Variants in YIPF4 observed in about 807,000 individuals in gnomAD.
YIPF4 encodes the protein Yip1 domain family member 4, also known as protein YIPF4.
Under a neutral mutation model 29.4 loss-of-function variants are expected in YIPF4, and 18 were observed. The ratio of observed to expected loss-of-function variants is 0.61; its 90% CI spans 0.42 to 0.91. The LOEUF (loss-of-function observed/expected upper bound fraction) is 0.91. YIPF4 is among the 40% of genes least tolerant of loss of function. The pLI is 0.00. For missense variants in YIPF4, 279 were observed against 282.7 expected, an observed-to-expected ratio of 0.99 and a Z score of 0.09; for synonymous variants, 115 against 104.7, an observed-to-expected ratio of 1.10 and a Z score of -0.60.
At position 32,277,972 on chromosome 2, in the gene YIPF4, G is replaced by T. The variant is rs1346421726; in HGVS notation, c.-184G>T. The T allele has an allele frequency of 7.3e-6, 4 of 548,482 alleles. No individual in the cohort carries two copies. Among genetic ancestry groups the T allele is most frequent in the Non-Finnish European group, 1.3e-5 (4 of 314,770 alleles). The allele number at this position is 548,482 out of a possible 1,614,324, so 34.0% of individuals were successfully genotyped here. ...GGGTGGTCGCCACCAAGAAGACTTT[G>T]GTGGGGTAGTCTCGGGGCAGCTCAG... On this transcript the variant is annotated 5_prime_UTR_variant, in exon 1 of 6. Transcript: ENST00000238831.
chr2:32,301,491 T>C lies in YIPF4; in HGVS notation c.593T>C (p.Ile198Thr), dbSNP rs188941714. Residue 198 changes from isoleucine to threonine, a missense_variant, in exon 5 of 6, where the codon ATA becomes ACA. Physicochemically the swap from Ile to Thr is moderately conservative, Grantham distance 89 (BLOSUM62 -1). Coordinates refer to ENST00000238831, the MANE Select transcript of YIPF4 (RefSeq NM_032312.4). ...VGSFEVVSTLIKLFGVFWAAY... is the reference protein window; with the variant it reads ...VGSFEVVSTLTKLFGVFWAAY... ...TCATTTGAAGTGGTGTCTACACTTA[T>C]AAAAGTAAGTTAAGGATTATGTATT... 3.2e-5 allele frequency: 51 copies of C among 1,592,456 alleles called. No individual in the cohort carries two copies. The highest frequency in any genetic ancestry group is 4.5e-5 in the East Asian group (2 of 44,686).
chr2:32,301,545 A>C (rs757410881), intron 5 of YIPF4, 50 bp downstream of exon 5: 6 of 1,267,118 alleles, frequency 4.7e-6, no homozygotes, highest in Non-Finnish European at 6.9e-6. Context: ...CAATGTCAAA[A>C]GTATACTAGG....
At chr2:32,285,760 A>G (rs1008273859) in intron 1 of YIPF4, among the ~76,000 whole-genome samples, 7 of 151,696 alleles carry the variant, frequency 4.6e-5, no homozygotes, top group African/African-American at 1.2e-4. Flanking sequence ...GGCTCAAGCA[A>G]TTCTCCTGCC....
Position 32,306,647 on chromosome 2 carries a change from C to T in YIPF4, c.*1021C>T. ...TATCAGGTACTCTCTAACAAATGTA[C>T]AGTTTTTGCTAAGGGAAATATTAAG... On this transcript the variant is annotated 3_prime_UTR_variant, in exon 6 of 6. Coordinates refer to ENST00000238831, the MANE Select transcript of YIPF4 (RefSeq NM_032312.4). The T allele has an allele frequency of 1.0e-6, 1 of 965,692 alleles. No individual in the cohort carries two copies. Among genetic ancestry groups the T allele is most frequent in the Non-Finnish European group, 1.2e-6 (1 of 812,064 alleles). 59.8% of individuals were successfully genotyped at this position (965,692 alleles called of 1,614,324 possible).
In YIPF4 at chr2:32,316,552, T is replaced by C. The variant is rs2031838951; in HGVS notation, c.*10926T>C. 2 of 152,218 alleles carry C rather than the reference T, an allele frequency of 1.3e-5. No homozygotes were observed. Among genetic ancestry groups the C allele is most frequent in the East Asian group, 1.9e-4 (1 of 5,200 alleles). 9.4% of individuals were successfully genotyped at this position (152,218 alleles called of 1,614,324 possible). The stretch of plus-strand genomic sequence containing the variant: ...TCTGTGTCAATGGTAAATAGTATTA[T>C]TGTAAGTACAACACTAAAATTAATA... On this transcript the variant is annotated 3_prime_UTR_variant, in exon 6 of 6. Transcript: ENST00000238831.
intron 3 of YIPF4, among the ~76,000 whole-genome samples, chr2:32,294,997 AGTGAGCC>A (rs2031115676): frequency 7.4e-6 from 1 of 134,876 alleles, no homozygotes; most frequent in African/African-American, 2.7e-5. Flanking sequence ...GGGAGGTTGC[AGTGAGCC>A]GAGATGGCAG....
intron 1 of YIPF4, among the ~76,000 whole-genome samples, chr2:32,285,720 A>G (rs568032113): frequency 2.1e-3 from 306 of 146,490 alleles, no homozygotes; most frequent in African/African-American, 7.3e-3. Flanking sequence ...CAGTGGTGCG[A>G]TCTCAGCTCA....
At position 32,315,126 on chromosome 2, in the gene YIPF4, A is replaced by T. The variant is rs1410050604; in HGVS notation, c.*9500A>T. Reference sequence around the variant, plus strand: ...CTGCCATCTTTGGTGAGTGGCTTTCATCCTCATTGTCTCAGAAAAGTTATT... The same window carrying T: ...CTGCCATCTTTGGTGAGTGGCTTTCTTCCTCATTGTCTCAGAAAAGTTATT... On this transcript the variant is annotated 3_prime_UTR_variant, in exon 6 of 6. Transcript: ENST00000238831. 1 of 152,184 alleles carries T rather than the reference A, an allele frequency of 6.6e-6. No homozygotes were observed. Among genetic ancestry groups the T allele is most frequent in the Non-Finnish European group, 1.5e-5 (1 of 68,042 alleles). The allele number at this position is 152,184 out of a possible 1,614,324, so 9.4% of individuals were successfully genotyped here.
chr2:32,304,341 A>C (rs1353483681), intron 5 of YIPF4, among the ~76,000 whole-genome samples: 2 of 152,156 alleles, frequency 1.3e-5, no homozygotes, highest in Non-Finnish European at 2.9e-5. Flanking sequence ...ATGAAATACA[A>C]ATGCAGTTTG....
At chr2:32,280,581 A>G (rs1015882685) in intron 1 of YIPF4, among the ~76,000 whole-genome samples, 1 of 151,694 alleles carries the variant, frequency 6.6e-6, no homozygotes, top group Non-Finnish European at 1.5e-5. Flanking sequence ...ACGGGGTTTC[A>G]CTGTGTTAGC....
rs1162773214 is a variant in YIPF4 at position 32,278,242 on chromosome 2, T to C, written c.79+8T>C. 1.3e-6 allele frequency: 2 copies of C among 1,554,138 alleles called. No individual in the cohort carries two copies. Among genetic ancestry groups the C allele is most frequent in the African/African-American group, 2.8e-5 (2 of 72,370 alleles). ...CCTCAGCAGACGCGGAAGGTGAGGC[T>C]GAGCCCCTGGAAGGGCTATCACCCG... On this transcript the variant is annotated splice_region_variant and intron_variant, in intron 1 of 5. Transcript: ENST00000238831.
chr2:32,296,465 AG>A (rs1558479313), intron 3 of YIPF4, among the ~76,000 whole-genome samples: 2 of 151,028 alleles, frequency 1.3e-5, no homozygotes, highest in African/African-American at 4.9e-5. Context: ...AGCAAGACTC[AG>A]TCTCAAAAAA....
intron 1 of YIPF4, 127 bp from the exon 2 acceptor site, chr2:32,290,356 A>G: frequency 1.8e-6 from 1 of 556,210 alleles, no homozygotes; most frequent in Non-Finnish European, 2.8e-6. Context: ...TTTGAAGATT[A>G]TATGCAATAG....
At position 32,306,473 on chromosome 2, in the gene YIPF4, T is replaced by A; in HGVS notation, c.*847T>A. 1 of 983,474 alleles carries A rather than the reference T, an allele frequency of 1.0e-6. No individual in the cohort carries two copies. The highest frequency in any genetic ancestry group is 1.2e-6 in the Non-Finnish European group (1 of 827,910). The allele number at this position is 983,474 out of a possible 1,614,324, so 60.9% of individuals were successfully genotyped here. A position where few individuals can be genotyped will look rare whatever the true frequency, so the allele number is the denominator to read the frequency against. ...AGCATCAGTAAATATTTTTAAGTGG[T>A]ACTTCTAAATCATAAAAGTTGGGGA... is the stretch of plus-strand genomic sequence containing the variant. On this transcript the variant is annotated 3_prime_UTR_variant, in exon 6 of 6. Coordinates refer to ENST00000238831, the MANE Select transcript of YIPF4 (RefSeq NM_032312.4).
At chr2:32,286,937 A>G (rs2030701506) in intron 1 of YIPF4, among the ~76,000 whole-genome samples, 1 of 152,240 alleles carries the variant, frequency 6.6e-6, no homozygotes, top group Non-Finnish European at 1.5e-5. Flanking sequence ...TCATAGGCCT[A>G]TGTATACATT....
intron 3 of YIPF4, among the ~76,000 whole-genome samples, chr2:32,296,378 A>G (rs1283945020): frequency 6.6e-6 from 1 of 151,750 alleles, no homozygotes; most frequent in Non-Finnish European, 1.5e-5. Context: ...AGGCTGAGGC[A>G]GAGAATTGCT....
chr2:32,294,169 G>A (rs185168731), intron 3 of YIPF4, among the ~76,000 whole-genome samples: 4,183 of 146,110 alleles, frequency 0.029, 151 homozygotes, highest in African/African-American at 0.091. Flanking sequence ...GGCAGGGGCT[G>A]ACCCCCACCT....
rs1421895673 is a variant in YIPF4 at position 32,311,738 on chromosome 2, T to C, written c.*6112T>C. 1.3e-5 allele frequency: 2 copies of C among 152,230 alleles called. No homozygotes were observed. Among genetic ancestry groups the C allele is most frequent in the Non-Finnish European group, 2.9e-5 (2 of 68,034 alleles). 9.4% of individuals were successfully genotyped at this position (152,230 alleles called of 1,614,324 possible). A position where few individuals can be genotyped will look rare whatever the true frequency, so the allele number is the denominator to read the frequency against. The stretch of plus-strand genomic sequence containing the variant: ...TATCAAGAATAAAAACCTTGGTTTT[T>C]CTGTAATATTTGCCACTGAGCAATT... On this transcript the variant is annotated 3_prime_UTR_variant, in exon 6 of 6. Coordinates refer to ENST00000238831, the MANE Select transcript of YIPF4 (RefSeq NM_032312.4).
chr2:32,285,969 A>G (rs1164244730), intron 1 of YIPF4, among the ~76,000 whole-genome samples: 3 of 152,224 alleles, frequency 2.0e-5, no homozygotes, highest in Non-Finnish European at 4.4e-5. Context: ...GAAGTATGAT[A>G]TATAGTATGT....
Sources: allele counts gnomAD v4.1 joint callset (sites outside exome capture counted in the v4.1 genomes callset), GRCh38; gene constraint gnomAD v4.1.1; transcripts MANE v1.5; gene names NCBI Gene and HGNC (gene_info 2026-07-23, HGNC 2026-07-21).